Variants in OXR1 observed in about 807,000 individuals in gnomAD.
OXR1 encodes the protein oxidation resistance 1, also known as oxidation resistance protein 1.
Under a neutral mutation model 104.6 loss-of-function variants are expected in OXR1, and 41 were observed. The observed-to-expected ratio is 0.39, with a 90% confidence interval of 0.31 to 0.51. OXR1 has a LOEUF of 0.51. Among genes scored for constraint, OXR1 ranks in the 20% least tolerant of loss-of-function variants. OXR1 has a pLI of 0.77. For synonymous variants in OXR1, 348 were observed against 348.4 expected (o/e 1.00, Z 0.01); for missense variants, 955 against 1,031.9 (o/e 0.93, Z 1.02).
chr8:106,527,868 G>C (rs1170726070), intron 3 of OXR1, among the ~76,000 whole-genome samples: 1 of 152,196 alleles, frequency 6.6e-6, no homozygotes, highest in Non-Finnish European at 1.5e-5. Flanking sequence ...AAAATGGCCA[G>C]TGGTAAAGAG....
chr8:106,330,520 A>C (rs2130221970), intron 1 of OXR1, among the ~76,000 whole-genome samples: 1 of 152,316 alleles, frequency 6.6e-6, no homozygotes, highest in South Asian at 2.1e-4. Flanking sequence ...TAAAAAAGAA[A>C]TCATGTTTAT....
In OXR1 at chr8:106,706,846, G is replaced by A. The variant is rs1447472993; in HGVS notation, c.1325G>A (p.Ser442Asn). 2.5e-6 allele frequency: 4 copies of A among 1,612,320 alleles called. No homozygotes were observed. The highest frequency in any genetic ancestry group is 1.6e-4 in the Middle Eastern group (1 of 6,066). The part of the protein sequence containing the change: ...GISGPKEDST[S>N]IKGNSDQDSF... ...TCAGGTCCTAAAGAAGACAGCACAA[G>A]TATAAAAGGTAATTCAGACCAGGAT... The change falls in exon 9 of 17, where the codon AGT becomes AAT. Residue 442 changes from serine (S) to asparagine (N), a missense_variant. By Grantham distance (46) the Ser-to-Asn change is conservative. Around this residue, in one of 2 missense-constraint regions of OXR1, gnomAD observed 849 missense variants for 852.9 expected, o/e 1.00. Transcript: ENST00000517566.
intron 3 of OXR1, among the ~76,000 whole-genome samples, chr8:106,538,571 C>T (rs558145911): frequency 2.5e-4 from 38 of 152,260 alleles, no homozygotes; most frequent in African/African-American, 8.4e-4. Flanking sequence ...CCATTCATCA[C>T]ATTTTGTTGT....
At chr8:106,389,477 A>T (rs1263983194) in intron 2 of OXR1, among the ~76,000 whole-genome samples, 1 of 152,210 alleles carries the variant, frequency 6.6e-6, no homozygotes, top group East Asian at 1.9e-4. Flanking sequence ...GCCTGTGTCT[A>T]TAGAGCCTAA....
At chr8:106,466,466 A>G (rs896503878) in intron 2 of OXR1, among the ~76,000 whole-genome samples, 3 of 151,884 alleles carry the variant, frequency 2.0e-5, no homozygotes, top group Non-Finnish European at 4.4e-5. Context: ...ATTATTCTTC[A>G]GAAGTTAAAC....
chr8:106,713,851 C>T lies in OXR1; in HGVS notation c.1822C>T (p.Gln608Ter). The change falls in exon 11 of 17, where the codon CAG becomes TAG. Residue 608 changes from glutamine to a stop codon, truncating the protein, a stop_gained. Coordinates refer to ENST00000517566, the MANE Select transcript of OXR1 (RefSeq NM_001198533.2). LOFTEE classifies it high-confidence loss of function. ...AGATCACTTGTATGCCTTCTTCATT[C>T]AGTGGAGTCCAGAAATATATGCAGA... is the stretch of plus-strand genomic sequence containing the variant. ...RTDHLYAFFI[Q>*]WSPEIYAEDT... The T allele has an allele frequency of 6.4e-7, 1 of 1,573,292 alleles. No individual in the cohort carries two copies.
At position 106,388,613 on chromosome 8, in the gene OXR1, G is replaced by A. The variant is rs150115210; in HGVS notation, c.23+28977G>A. ...AATTTTTTGTATTTTTAGTAGAGACGGGGTTTCACTATGTTGGCCAGGCTG... is the reference window on the plus strand; with the variant it reads ...AATTTTTTGTATTTTTAGTAGAGACAGGGTTTCACTATGTTGGCCAGGCTG... On this transcript the variant is annotated intron_variant, in intron 2 of 16. Transcript: ENST00000517566. Among the ~76,000 whole-genome samples, 490 of 152,096 alleles carry A rather than the reference G, an allele frequency of 3.2e-3. 5 individuals are homozygous for A. The highest frequency in any genetic ancestry group is 0.01 in the African/African-American group (434 of 41,484).
At chr8:106,519,708 C>A (rs1213562793) in intron 3 of OXR1, among the ~76,000 whole-genome samples, 1 of 152,122 alleles carries the variant, frequency 6.6e-6, no homozygotes, top group Non-Finnish European at 1.5e-5. Flanking sequence ...TGAATGACAT[C>A]CAGGCCCTTC....
chr8:106,674,949 G>A (rs1192965501), intron 3 of OXR1, among the ~76,000 whole-genome samples: 2 of 152,094 alleles, frequency 1.3e-5, no homozygotes, highest in Admixed American at 6.6e-5. Context: ...CCAGTCTTGA[G>A]CAGTTCTTTA....
intron 3 of OXR1, among the ~76,000 whole-genome samples, chr8:106,555,218 CTCT>C (rs1816173879): frequency 1.3e-5 from 2 of 152,194 alleles, no homozygotes; most frequent in African/African-American, 4.8e-5. Flanking sequence ...TTTTTAAAAG[CTCT>C]TCAGGTAATT....
At chr8:106,660,062 GTTACT>G (rs979424924) in intron 3 of OXR1, among the ~76,000 whole-genome samples, 5 of 152,202 alleles carry the variant, frequency 3.3e-5, no homozygotes, top group Non-Finnish European at 7.3e-5. Context: ...ATTTGGACAA[GTTACT>G]TAGTGTCTTT....
rs1554596960 is a variant in OXR1 at position 106,576,482 on chromosome 8, A to AAG, written c.220+57344_220+57345insGA. On this transcript the variant is annotated intron_variant, in intron 3 of 16. Coordinates refer to ENST00000517566, the MANE Select transcript of OXR1 (RefSeq NM_001198533.2). ...ACAGTTATTCAAAAAAAAAAAAAAA[A>AAG]AAAGAAAACATCAAATAGAGCCACA... 2.6e-3 allele frequency among the ~76,000 whole-genome samples: 373 copies of AAG among 144,778 alleles called. 3 individuals carry two copies. The highest frequency in any genetic ancestry group is 7.3e-3 in the Middle Eastern group (2 of 274). The allele number at this position is 144,778 out of a possible 152,430, so 95.0% of individuals were successfully genotyped here.
chr8:106,402,418 A>T (rs535422809), intron 2 of OXR1, among the ~76,000 whole-genome samples: 1 of 152,302 alleles, frequency 6.6e-6, no homozygotes, highest in African/African-American at 2.4e-5. Context: ...CAATGTGAGG[A>T]TTCTGCCAGC....
intron 2 of OXR1, among the ~76,000 whole-genome samples, chr8:106,472,083 T>C (rs1821520663): frequency 6.6e-6 from 1 of 151,798 alleles, no homozygotes; most frequent in Non-Finnish European, 1.5e-5. Context: ...TAGTATCCCC[T>C]AATCTGTGTC....
At chr8:106,488,108 T>G (rs368700138) in intron 2 of OXR1, among the ~76,000 whole-genome samples, 1 of 146,668 alleles carries the variant, frequency 6.8e-6, no homozygotes, top group Non-Finnish European at 1.5e-5. Context: ...TTTTAATGAT[T>G]GCCATTCTAA....
chr8:106,367,005 C>A (rs1016118998), intron 2 of OXR1, among the ~76,000 whole-genome samples: 1 of 151,208 alleles, frequency 6.6e-6, no homozygotes, highest in African/African-American at 2.4e-5. Context: ...CTTTTCATTA[C>A]CATTATATGG....
rs948342479 is a variant in OXR1 at position 106,691,888 on chromosome 8, G to A, written c.526-840G>A. The stretch of plus-strand genomic sequence containing the variant: ...GTTGATAACATAGGTTTGCATCTTA[G>A]CTCCTTACTCATTTGTCAAGTTATT... On this transcript the variant is annotated intron_variant, in intron 6 of 16. Coordinates refer to ENST00000517566, the MANE Select transcript of OXR1 (RefSeq NM_001198533.2). Among the ~76,000 whole-genome samples, 6 of 149,532 alleles carry A rather than the reference G, an allele frequency of 4.0e-5. No individual in the cohort carries two copies. In the East Asian group the frequency reaches 1.2e-3, roughly 30 times the overall value.
Position 106,663,709 on chromosome 8 carries a change from G to C in OXR1, c.221-15501G>C, listed in dbSNP as rs779901444. On this transcript the variant is annotated intron_variant, in intron 3 of 16. Coordinates refer to ENST00000517566, the MANE Select transcript of OXR1 (RefSeq NM_001198533.2). Reference sequence around the variant, plus strand: ...TCCTGTTAGATCAGTGGGGACATTAGATTCTCATAGGAGTGTGAACTTTAT... The same window carrying C: ...TCCTGTTAGATCAGTGGGGACATTACATTCTCATAGGAGTGTGAACTTTAT... Among the ~76,000 whole-genome samples the C allele has an allele frequency of 3.9e-5, 6 of 152,162 alleles. No individual in the cohort carries two copies. The East Asian group carries it at 5.8e-4, about 15-fold the overall frequency.
rs146531625 is a variant in OXR1, at chr8:106,606,933, G to A, written c.221-72277G>A. Among the ~76,000 whole-genome samples, 24 of 152,264 alleles carry A rather than the reference G, an allele frequency of 1.6e-4. No homozygotes were observed. In the East Asian group the frequency reaches 4.4e-3, roughly 28 times the overall value. ...GGAAGAAAGAGCCCTTCTCTGAATG[G>A]TTTTTGTTGTTTAGTTAAGAAAATG... On this transcript the variant is annotated intron_variant, in intron 3 of 16. Coordinates refer to ENST00000517566, the MANE Select transcript of OXR1 (RefSeq NM_001198533.2).
Sources: allele counts gnomAD v4.1 joint callset (sites outside exome capture counted in the v4.1 genomes callset), GRCh38; gene constraint gnomAD v4.1.1; regional missense constraint gnomAD v4.1.1; transcripts MANE v1.5; gene names NCBI Gene and HGNC (gene_info 2026-07-23, HGNC 2026-07-21).